The following RGS17 variants were observed in gnomAD, a reference collection of about 807,000 sequenced individuals.
RGS17 encodes the protein regulator of G-protein signaling 17.
RGS17 carries 12 observed loss-of-function variants against 25.5 expected under a neutral mutation model. That is an observed-to-expected ratio of 0.47 (90% CI 0.30 to 0.76). The LOEUF (loss-of-function observed/expected upper bound fraction) is 0.76, where lower values mean the gene tolerates loss of function less well. RGS17 is among the 30% of genes least tolerant of loss of function. RGS17 has a pLI of 0.07. For synonymous variants in RGS17, 71 were observed against 76.9 expected (o/e 0.92, Z 0.40); for missense variants, 196 against 242.2 (o/e 0.81, Z 1.27).
At chr6:153,097,868 C>A (rs1469619599) in intron 1 of RGS17, among the ~76,000 whole-genome samples, 1 of 151,986 alleles carries the variant, frequency 6.6e-6, no homozygotes, top group Non-Finnish European at 1.5e-5. Context: ...GTGATCTAAT[C>A]TGATGATGTG....
intron 1 of RGS17, among the ~76,000 whole-genome samples, chr6:153,126,317 G>C (rs1418456074): frequency 6.6e-6 from 1 of 152,182 alleles, no homozygotes; most frequent in African/African-American, 2.4e-5. Context: ...CTCATAGTAA[G>C]GTGTTTGTGA....
intron 1 of RGS17, among the ~76,000 whole-genome samples, chr6:153,051,802 C>A (rs1232969030): frequency 6.6e-6 from 1 of 152,088 alleles, no homozygotes; most frequent in Non-Finnish European, 1.5e-5. Flanking sequence ...AATGAGAAAG[C>A]ATGTTTAAAA....
At chr6:153,065,147 A>G (rs1207033372) in intron 1 of RGS17, among the ~76,000 whole-genome samples, 1 of 152,190 alleles carries the variant, frequency 6.6e-6, no homozygotes, top group African/African-American at 2.4e-5. Context: ...GAGCAGGAGT[A>G]GCTACACTTA....
intron 3 of RGS17, among the ~76,000 whole-genome samples, chr6:153,025,668 A>G (rs1779292547): frequency 7.0e-6 from 1 of 143,344 alleles, no homozygotes; most frequent in African/African-American, 2.6e-5. Context: ...AAACATATAT[A>G]TATAAACATA....
intron 1 of RGS17, among the ~76,000 whole-genome samples, chr6:153,105,807 C>G (rs1466515523): frequency 6.6e-6 from 1 of 152,306 alleles, no homozygotes; most frequent in African/African-American, 2.4e-5. Flanking sequence ...CAAGGACAGA[C>G]AGGCAGAAGG....
At chr6:153,041,387 T>A (rs1433404797) in intron 2 of RGS17, among the ~76,000 whole-genome samples, 1 of 152,204 alleles carries the variant, frequency 6.6e-6, no homozygotes, top group Non-Finnish European at 1.5e-5. Context: ...TTTGGGGATC[T>A]ACTCTAGAGG....
At chr6:153,058,754 A>G (rs544530654) in intron 1 of RGS17, among the ~76,000 whole-genome samples, 3 of 152,218 alleles carry the variant, frequency 2.0e-5, no homozygotes, top group Non-Finnish European at 2.9e-5. Flanking sequence ...AATTTCTGAT[A>G]ACTACCCTGC....
chr6:153,038,653 TGAG>T (rs1776282757), intron 2 of RGS17, among the ~76,000 whole-genome samples: 1 of 152,204 alleles, frequency 6.6e-6, no homozygotes, highest in Admixed American at 6.5e-5. Flanking sequence ...CTTGCCTGTG[TGAG>T]GAGTTTTATT....
intron 1 of RGS17, among the ~76,000 whole-genome samples, chr6:153,049,026 A>G (rs1776422720): frequency 6.6e-6 from 1 of 152,236 alleles, no homozygotes; most frequent in Admixed American, 6.5e-5. Context: ...AAAACAATAA[A>G]GTCTATATAC....
intron 4 of RGS17, among the ~76,000 whole-genome samples, chr6:153,021,700 G>T (rs956584001): frequency 2.6e-5 from 4 of 152,090 alleles, no homozygotes; most frequent in Admixed American, 6.6e-5. Context: ...AGAACAAGTT[G>T]AATTTCACCT....
At chr6:153,054,036 T>C (rs1776511002) in intron 1 of RGS17, among the ~76,000 whole-genome samples, 5 of 67,312 alleles carry the variant, frequency 7.4e-5, no homozygotes, top group East Asian at 5.1e-4. Flanking sequence ...TATATATACA[T>C]ATATATGTAT....
chr6:153,066,321 G>A (rs576851376), intron 1 of RGS17, among the ~76,000 whole-genome samples: 68 of 152,142 alleles, frequency 4.5e-4, no homozygotes, highest in African/African-American at 1.5e-3. Context: ...GTAAGTTGGT[G>A]GGAACAATAA....
At chr6:153,059,600 G>T (rs1345496781) in intron 1 of RGS17, among the ~76,000 whole-genome samples, 1 of 152,130 alleles carries the variant, frequency 6.6e-6, no homozygotes, top group African/African-American at 2.4e-5. Flanking sequence ...CTCAGTAATT[G>T]TAAGGAATAA....
At chr6:153,078,213 G>T (rs1403328102) in intron 1 of RGS17, among the ~76,000 whole-genome samples, 1 of 152,100 alleles carries the variant, frequency 6.6e-6, no homozygotes. Flanking sequence ...GCTTTTGTAA[G>T]CCTCTCTACT....
intron 1 of RGS17, among the ~76,000 whole-genome samples, chr6:153,064,230 T>C (rs1776676477): frequency 6.6e-6 from 1 of 152,332 alleles, no homozygotes; most frequent in South Asian, 2.1e-4. Flanking sequence ...ACTACTCTTA[T>C]TCTAAGCAGA....
chr6:153,089,216 G>GGTATATAT (rs36212939), intron 1 of RGS17, among the ~76,000 whole-genome samples: 21 of 149,732 alleles, frequency 1.4e-4, no homozygotes, highest in African/African-American at 3.2e-4. Context: ...AATGTGCATA[G>GGTATATAT]GTATATATGT....
chr6:153,056,512 G>C (rs1055443434), intron 1 of RGS17, among the ~76,000 whole-genome samples: 1 of 151,360 alleles, frequency 6.6e-6, no homozygotes, highest in African/African-American at 2.4e-5. Flanking sequence ...TGTAAGAAGA[G>C]CCTCAAGCCA....
chr6:153,079,683 A>G (rs1776943686), intron 1 of RGS17, among the ~76,000 whole-genome samples: 1 of 152,054 alleles, frequency 6.6e-6, no homozygotes, highest in African/African-American at 2.4e-5. Context: ...TATCTTTTCT[A>G]TATATTGCTG....
Position 153,082,582 on chromosome 6 carries a change from T to C in RGS17, c.-25-38539A>G, listed in dbSNP as rs181295272. Among the ~76,000 whole-genome samples the C allele has an allele frequency of 6.0e-4, 92 of 152,358 alleles. 1 individual carries two copies. Among genetic ancestry groups the C allele is most frequent in the African/African-American group, 2.1e-3 (86 of 41,598 alleles). On this transcript the variant is annotated intron_variant, in intron 1 of 4. Coordinates refer to ENST00000206262, the MANE Select transcript of RGS17 (RefSeq NM_012419.5). ...GCCATTTTCCTTCTCATCATGTTCA[T>C]GTTTTCATTTAAATTCCTAAACATT...
Sources: gnomAD v4.1 joint callset for allele counts (sites outside exome capture counted in the v4.1 genomes callset) on GRCh38, gnomAD v4.1.1 for gene constraint, MANE v1.5 for transcripts, NCBI Gene and HGNC (gene_info 2026-07-23, HGNC 2026-07-21) for gene names.